UBR2: variants seen among roughly 807,000 people sequenced by gnomAD.
The protein encoded by UBR2 is E3 ubiquitin-protein ligase UBR2.
UBR2 carries 92 observed loss-of-function variants against 247.9 expected under a neutral mutation model. The observed-to-expected ratio is 0.37, with a 90% CI of 0.31 to 0.44. The LOEUF (loss-of-function observed/expected upper bound fraction) is 0.44, where lower values mean the gene tolerates loss of function less well. UBR2 is among the 20% of genes least tolerant of loss of function. UBR2 has a pLI of 1.00. For synonymous variants in UBR2, 672 were observed against 693.5 expected, an observed-to-expected ratio of 0.97 and a Z score of 0.49; for missense variants, 1,613 against 2,112.6, an observed-to-expected ratio of 0.76 and a Z score of 4.64.
intron 7 of UBR2, 100 bp from the exon 8 acceptor site, chr6:42,612,071 A>G: frequency 8.8e-7 from 1 of 1,133,712 alleles, no homozygotes; most frequent in Non-Finnish European, 1.2e-6. Flanking sequence ...GTCTCCTATG[A>G]TGATGATAGT....
At chr6:42,575,024 T>G (rs1300234813) in intron 2 of UBR2, among the ~76,000 whole-genome samples, 1 of 152,050 alleles carries the variant, frequency 6.6e-6, no homozygotes. Context: ...TTTGTGTATA[T>G]AGGCCAAGAT....
rs779465725 is a variant in UBR2 at position 42,641,699 on chromosome 6, G to C, written c.2031+7G>C. On this transcript the variant is annotated splice_region_variant and intron_variant, in intron 17 of 46. Coordinates refer to ENST00000372901, the MANE Select transcript of UBR2 (RefSeq NM_001363705.2). ...GTTCTCTCTAGTAAACCAGGTAAGT[G>C]TTTTCTAATTCTATGAAGAGTTTTC... 2 of 1,601,734 alleles carry C rather than the reference G, an allele frequency of 1.2e-6. No individual in the cohort carries two copies. The highest frequency in any genetic ancestry group is 2.7e-5 in the African/African-American group (2 of 74,168).
chr6:42,614,170 C>G, intron 8 of UBR2, among the ~76,000 whole-genome samples: 1 of 104,054 alleles, frequency 9.6e-6, no homozygotes, highest in Non-Finnish European at 1.8e-5. Flanking sequence ...GAGTAAGACT[C>G]TGTCTCCAAA....
At chr6:42,583,722 C>T (rs12194282) in intron 2 of UBR2, among the ~76,000 whole-genome samples, 9,590 of 152,076 alleles carry the variant, frequency 0.063, 440 homozygotes, top group Middle Eastern at 0.11. Flanking sequence ...CAGGTTTTCA[C>T]CATGTTGGTC....
Position 42,645,462 on chromosome 6 carries a change from A to G in UBR2, c.2285-4A>G. On this transcript the variant is annotated splice_polypyrimidine_tract_variant and splice_region_variant and intron_variant, in intron 20 of 46. Transcript: ENST00000372901. ...ATGTATATGTACTTTTCCATTTTTG[A>G]CAGGAGAGAGATTTAGTCCTGGAGT... 1 of 1,611,226 alleles carries G rather than the reference A, an allele frequency of 6.2e-7. No homozygotes were observed. The highest frequency in any genetic ancestry group is 8.5e-7 in the Non-Finnish European group (1 of 1,179,022).
intron 3 of UBR2, 78 bp from the exon 4 acceptor site, chr6:42,594,113 C>G (rs1279327783): frequency 2.2e-5 from 24 of 1,101,896 alleles, no homozygotes; most frequent in African/African-American, 4.7e-5. Flanking sequence ...ATTTCCTTAG[C>G]ACTTGATATT....
intron 13 of UBR2, among the ~76,000 whole-genome samples, chr6:42,634,643 C>T (rs1795970450): frequency 6.6e-6 from 1 of 152,098 alleles, no homozygotes; most frequent in African/African-American, 2.4e-5. Flanking sequence ...TTAGTAGAGA[C>T]AGGGTTTCGC....
rs768768944 is a variant in UBR2, at chr6:42,679,782, C to A, written c.4668C>A (p.Leu1556=). The A allele has an allele frequency of 6.2e-7, 1 of 1,613,694 alleles. No homozygotes were observed. Among genetic ancestry groups the A allele is most frequent in the East Asian group, 2.2e-5 (1 of 44,874 alleles). The stretch of plus-strand genomic sequence containing the variant: ...GCTATCTTTCCCTACCAAACAACCT[C>A]ATTTGCCTTTTTCAAGAAAATAGTG... The part of the protein sequence containing the change: ...LCSYLSLPNN[L]ICLFQENSEI... The change falls in exon 42 of 47, where the codon CTC becomes CTA. Residue 1556 remains leucine, a synonymous_variant. Transcript: ENST00000372901.
intron 42 of UBR2, among the ~76,000 whole-genome samples, chr6:42,682,802 G>C (rs1459000495): frequency 3.3e-5 from 5 of 152,150 alleles, no homozygotes; most frequent in Non-Finnish European, 5.9e-5. Context: ...AGTTTTTCTA[G>C]AGTATCCAAA....
At chr6:42,678,233 G>A (rs1425699604) in intron 40 of UBR2, among the ~76,000 whole-genome samples, 7 of 152,230 alleles carry the variant, frequency 4.6e-5, no homozygotes, top group Admixed American at 4.6e-4. Flanking sequence ...CTACTCAGGA[G>A]GCTGAGGCAG....
chr6:42,650,271 C>T lies in UBR2; in HGVS notation c.2463-13C>T, dbSNP rs1343394625. 1.9e-6 allele frequency: 3 copies of T among 1,606,192 alleles called. No homozygotes were observed. Among genetic ancestry groups the T allele is most frequent in the Non-Finnish European group, 2.6e-6 (3 of 1,173,940 alleles). ...GCTTTGGTAATAATATTCTAAGGTC[C>T]TTTCTTTCACAGGAAACCTGGATTA... On this transcript the variant is annotated splice_polypyrimidine_tract_variant and intron_variant, in intron 22 of 46. Transcript: ENST00000372901.
chr6:42,667,977 T>G (rs1313749225), intron 34 of UBR2, among the ~76,000 whole-genome samples: 1 of 152,032 alleles, frequency 6.6e-6, no homozygotes, highest in Non-Finnish European at 1.5e-5. Flanking sequence ...CAGGCTGGTC[T>G]CAAACTCCTG....
intron 44 of UBR2, 116 bp from the exon 45 acceptor site, chr6:42,688,100 T>C (rs1799547808): frequency 8.4e-7 from 1 of 1,184,400 alleles, no homozygotes. Context: ...CTGTAGGATA[T>C]ACACTTCTTT....
At chr6:42,679,996 GTTTTGTTTTTGT>G (rs534673346) in intron 42 of UBR2, among the ~76,000 whole-genome samples, 164 bp downstream of exon 42, 6 of 151,896 alleles carry the variant, frequency 4.0e-5, no homozygotes, top group Admixed American at 3.3e-4. Context: ...GTTTTGTTTT[GTTTTGTTTTTGT>G]TTTTGTTTTT....
In UBR2 at chr6:42,689,719, C is replaced by T. The variant is rs776581789; in HGVS notation, c.5126+49C>T. ...TAACTCAGGGCCTGCAGCGCCCTTC[C>T]GTATGTGGTGACGTCCTGAGGGTGG... is the stretch of plus-strand genomic sequence containing the variant. On this transcript the variant is annotated intron_variant, in intron 46 of 46. Coordinates refer to ENST00000372901, the MANE Select transcript of UBR2 (RefSeq NM_001363705.2). The surrounding 1 kb of genome is among the most constrained non-coding windows in gnomAD (Gnocchi z 4.0). The T allele has an allele frequency of 2.4e-5, 37 of 1,528,986 alleles. No homozygotes were observed. Among genetic ancestry groups the T allele is most frequent in the Middle Eastern group, 3.4e-4 (2 of 5,890 alleles). The allele number at this position is 1,528,986 out of a possible 1,614,324, so 94.7% of individuals were successfully genotyped here.
At position 42,670,700 on chromosome 6, in the gene UBR2, T is replaced by C. The variant is rs767085391; in HGVS notation, c.4071T>C (p.Pro1357=). The C allele has an allele frequency of 2.5e-6, 4 of 1,610,300 alleles. No individual in the cohort carries two copies. In the South Asian group the frequency reaches 4.4e-5, roughly 18 times the overall value. Residue 1357 remains proline, a synonymous_variant, in exon 36 of 47, where the codon CCT becomes CCC. Transcript: ENST00000372901. ...LSDEDKPLFG[P]LPCRLDDCLR... ...ATGAAGATAAACCATTGTTTGGTCC[T>C]TTACCTTGCAGACTGGTAAGTTCTC...
intron 27 of UBR2, 22 bp downstream of exon 27, chr6:42,658,155 G>T (rs1290480606): frequency 6.2e-7 from 1 of 1,612,062 alleles, no homozygotes; most frequent in East Asian, 2.2e-5. Context: ...ACATTCCTCT[G>T]CTTTTTGTGA....
intron 11 of UBR2, among the ~76,000 whole-genome samples, chr6:42,631,874 A>ATATATAAATACAGGTTCTGTAAT: frequency 7.2e-6 from 1 of 139,308 alleles, no homozygotes; most frequent in Non-Finnish European, 1.5e-5. Context: ...ATATATATAT[A>ATATATAAATACAGGTTCTGTAAT]TATATATATA....
Position 42,670,665 on chromosome 6 carries a change from AT to A in UBR2, c.4040del (p.Leu1347Ter). On this transcript the variant is annotated frameshift_variant, in exon 36 of 47. Coordinates refer to ENST00000372901, the MANE Select transcript of UBR2 (RefSeq NM_001363705.2). LOFTEE classifies it high-confidence loss of function. ...TAACCATCTTTAATCTGTAGAAAGA[AT>A]TTTGAGTGATGAAGATAAACCATTG... ...CAYTIQSIERILSDEDKPLFG... is the reference protein window; with the variant it reads ...CAYTIQSIERXLSDEDKPLFG... 6.2e-7 allele frequency: 1 copy of A among 1,605,260 alleles called. No individual in the cohort carries two copies.
Sources: allele counts gnomAD v4.1 joint callset (sites outside exome capture counted in the v4.1 genomes callset), GRCh38; gene constraint gnomAD v4.1.1; non-coding constraint Gnocchi (gnomAD v3.1); transcripts MANE v1.5; gene names NCBI Gene and HGNC (gene_info 2026-07-23, HGNC 2026-07-21).